Variants in EPHA5 observed in about 807,000 individuals in gnomAD.
The protein encoded by EPHA5 is EPH receptor A5.
A neutral mutation model predicts 105.0 loss-of-function variants in EPHA5; 60 were observed. That is an observed-to-expected ratio of 0.57 (90% CI 0.46 to 0.71). EPHA5 has a LOEUF of 0.71. EPHA5 is among the 30% of genes least tolerant of loss of function. The pLI is 0.00. For synonymous variants in EPHA5, 513 were observed against 449.1 expected, an observed-to-expected ratio of 1.14 and a Z score of -1.80; for missense variants, 1,218 against 1,274.7, an observed-to-expected ratio of 0.96 and a Z score of 0.68.
chr4:65,543,393 A>T (rs1045202825), intron 3 of EPHA5, among the ~76,000 whole-genome samples: 1 of 152,022 alleles, frequency 6.6e-6, no homozygotes, highest in African/African-American at 2.4e-5. Context: ...ACAAAAATCC[A>T]TATGCAAAAA....
intron 5 of EPHA5, 57 bp from the exon 6 acceptor site, chr4:65,420,622 T>A (rs1560518714): frequency 1.3e-6 from 2 of 1,537,680 alleles, no homozygotes; most frequent in Non-Finnish European, 1.8e-6. Context: ...AAAGTAAACC[T>A]GTTATGTTTA....
At chr4:65,443,681 T>C (rs750685688) in intron 5 of EPHA5, among the ~76,000 whole-genome samples, 1 of 152,066 alleles carries the variant, frequency 6.6e-6, no homozygotes, top group Non-Finnish European at 1.5e-5. Context: ...AGAGCAGTAA[T>C]ACCTAGAATG....
chr4:65,428,931 G>A (rs7672488), intron 5 of EPHA5, among the ~76,000 whole-genome samples: 120,167 of 151,968 alleles, frequency 0.79, 48,227 homozygotes, highest in East Asian at 0.9. Context: ...GCAAATCACA[G>A]TAACAAATAT....
intron 5 of EPHA5, among the ~76,000 whole-genome samples, chr4:65,485,916 C>T (rs1376039103): frequency 6.6e-6 from 1 of 152,120 alleles, no homozygotes; most frequent in Non-Finnish European, 1.5e-5. Context: ...GAGGGACTCT[C>T]ACTGAAATTT....
At chr4:65,403,477 T>C (rs1014367043) in intron 8 of EPHA5, among the ~76,000 whole-genome samples, 1 of 152,042 alleles carries the variant, frequency 6.6e-6, no homozygotes, top group African/African-American at 2.4e-5. Context: ...CCAAAATATA[T>C]TTTCAAATGG....
chr4:65,595,200 C>T (rs1330826533), intron 3 of EPHA5, among the ~76,000 whole-genome samples: 1 of 151,450 alleles, frequency 6.6e-6, no homozygotes. Context: ...CCACACTTCA[C>T]CCACACTGCC....
At chr4:65,530,123 G>A (rs1177170832) in intron 3 of EPHA5, among the ~76,000 whole-genome samples, 1 of 151,948 alleles carries the variant, frequency 6.6e-6, no homozygotes, top group East Asian at 1.9e-4. Context: ...CTTAAAAATA[G>A]GATTATTACA....
At chr4:65,471,191 G>T (rs533724611) in intron 5 of EPHA5, among the ~76,000 whole-genome samples, 175 of 152,242 alleles carry the variant, frequency 1.1e-3, no homozygotes, top group African/African-American at 3.8e-3. Flanking sequence ...TAATTTGGAT[G>T]AAGTTTTTCT....
chr4:65,487,935 T>G (rs7663314), intron 5 of EPHA5, among the ~76,000 whole-genome samples: 140,921 of 152,186 alleles, frequency 0.93, 65,588 homozygotes, highest in Middle Eastern at 0.99. Context: ...TTCCATAATT[T>G]TTGTGTAAAA....
At chr4:65,538,337 G>C (rs1023168243) in intron 3 of EPHA5, among the ~76,000 whole-genome samples, 14 of 151,666 alleles carry the variant, frequency 9.2e-5, no homozygotes, top group African/African-American at 3.4e-4. Context: ...AAAATGTTTA[G>C]GGTAATCAAA....
intron 3 of EPHA5, among the ~76,000 whole-genome samples, chr4:65,520,628 T>A (rs1411288726): frequency 1.3e-5 from 2 of 152,006 alleles, no homozygotes; most frequent in African/African-American, 4.8e-5. Flanking sequence ...AATCTACTCA[T>A]CTGAGAAAGG....
chr4:65,363,003 T>C (rs1045236724), intron 11 of EPHA5, among the ~76,000 whole-genome samples: 1 of 151,588 alleles, frequency 6.6e-6, no homozygotes, highest in African/African-American at 2.4e-5. Context: ...AAGAAATTAC[T>C]TCAGGACAAA....
At chr4:65,407,539 A>G (rs572393829) in intron 7 of EPHA5, among the ~76,000 whole-genome samples, 20 of 152,196 alleles carry the variant, frequency 1.3e-4, no homozygotes, top group African/African-American at 4.6e-4. Flanking sequence ...AACATATTTT[A>G]TAAGTAACAT....
intron 5 of EPHA5, among the ~76,000 whole-genome samples, chr4:65,481,680 G>A (rs1730378079): frequency 6.6e-6 from 1 of 152,178 alleles, no homozygotes; most frequent in South Asian, 2.1e-4. Flanking sequence ...TCTTGAATAT[G>A]AGACTTGCAA....
intron 14 of EPHA5, among the ~76,000 whole-genome samples, chr4:65,338,467 C>A (rs6830654): frequency 0.015 from 2,235 of 152,016 alleles, 73 homozygotes; most frequent in African/African-American, 0.051. Flanking sequence ...TTTTCTTTAG[C>A]ACCCTTTTTT....
chr4:65,414,547 C>T, intron 6 of EPHA5, 104 bp from the exon 7 acceptor site: 1 of 1,206,668 alleles, frequency 8.3e-7, no homozygotes, highest in Non-Finnish European at 1.2e-6. Flanking sequence ...AACCAAAGGA[C>T]TCTATTAGTA....
chr4:65,405,667 A>G (rs1722285701), intron 7 of EPHA5, among the ~76,000 whole-genome samples: 1 of 152,112 alleles, frequency 6.6e-6, no homozygotes, highest in Admixed American at 6.6e-5. Context: ...ATTATTTTCA[A>G]TATAAGTCAG....
At chr4:65,649,510 TATTA>T (rs1748409065) in intron 1 of EPHA5, among the ~76,000 whole-genome samples, 1 of 152,196 alleles carries the variant, frequency 6.6e-6, no homozygotes, top group Admixed American at 6.5e-5. Flanking sequence ...TCCTTTTGTA[TATTA>T]ACCACAAAGT....
intron 2 of EPHA5, among the ~76,000 whole-genome samples, chr4:65,629,223 C>T (rs1468819748): frequency 6.6e-6 from 1 of 152,134 alleles, no homozygotes; most frequent in Non-Finnish European, 1.5e-5. Context: ...AAGCTAGAGC[C>T]AATGTTAGAT....
Sources: gnomAD v4.1 joint callset for allele counts (sites outside exome capture counted in the v4.1 genomes callset) on GRCh38, gnomAD v4.1.1 for gene constraint, MANE v1.5 for transcripts, NCBI Gene and HGNC (gene_info 2026-07-23, HGNC 2026-07-21) for gene names.